The following KIAA1217 variants were observed in gnomAD, a reference collection of about 807,000 sequenced individuals.
KIAA1217 encodes sickle tail protein homolog.
A neutral mutation model predicts 163.9 loss-of-function variants in KIAA1217; 88 were observed. The observed-to-expected ratio is 0.54, with a 90% confidence interval of 0.45 to 0.64. KIAA1217 has a LOEUF of 0.64. Among genes scored for constraint, KIAA1217 ranks in the 30% least tolerant of loss-of-function variants. KIAA1217 has a pLI of 0.00. For synonymous variants in KIAA1217, 903 were observed against 923.1 expected (o/e 0.98, Z 0.39); for missense variants, 2,372 against 2,475.0 (o/e 0.96, Z 0.88).
chr10:23,876,801 A>G (rs1840718879), intron 1 of KIAA1217, among the ~76,000 whole-genome samples: 1 of 151,922 alleles, frequency 6.6e-6, no homozygotes, highest in Admixed American at 6.6e-5. Context: ...ATAAATGGTT[A>G]GATTTAAAGC....
intron 1 of KIAA1217, among the ~76,000 whole-genome samples, chr10:23,878,726 G>A (rs74729273): frequency 0.03 from 4,546 of 152,054 alleles, 86 homozygotes; most frequent in Middle Eastern, 0.12. Flanking sequence ...AGGAGCAGGA[G>A]GTGCATCTGT....
chr10:24,136,513 AAG>A (rs112082307), intron 2 of KIAA1217, among the ~76,000 whole-genome samples: 91 of 149,964 alleles, frequency 6.1e-4, no homozygotes, highest in Non-Finnish European at 7.3e-4. Context: ...GCTACTTTAA[AAG>A]AGAGAGAGAG....
chr10:23,966,846 A>C (rs150785511), intron 1 of KIAA1217, among the ~76,000 whole-genome samples: 51 of 152,318 alleles, frequency 3.3e-4, no homozygotes, highest in African/African-American at 1.2e-3. Context: ...GATTCAAATG[A>C]ATATTATTCA....
intron 3 of KIAA1217, among the ~76,000 whole-genome samples, chr10:24,383,781 G>T (rs535656922): frequency 7.2e-5 from 11 of 152,340 alleles, no homozygotes; most frequent in African/African-American, 2.4e-4. Flanking sequence ...GGTTGATGTT[G>T]CCCTTGACCG....
chr10:23,968,356 C>T (rs1286694136), intron 1 of KIAA1217, among the ~76,000 whole-genome samples: 1 of 152,168 alleles, frequency 6.6e-6, no homozygotes, highest in African/African-American at 2.4e-5. Context: ...AGGGAAGGCT[C>T]TGCAAGAGTT....
chr10:23,760,071 G>A (rs376641889), intron 1 of KIAA1217, among the ~76,000 whole-genome samples: 34 of 152,236 alleles, frequency 2.2e-4, no homozygotes, highest in East Asian at 2.1e-3. Flanking sequence ...CTCCCTTCTT[G>A]GGTTTAGGGA....
rs939456261 is a variant in KIAA1217 at position 24,379,212 on chromosome 10, G to A, written c.355-1657G>A. On this transcript the variant is annotated intron_variant, in intron 2 of 20. Coordinates refer to ENST00000376454, the MANE Select transcript of KIAA1217 (RefSeq NM_019590.5). ...AGGAAGCTACTTCACTGAGGACCACGTGAATTTGTCTAAATCTTGGTGAAC... is the reference window on the plus strand; with the variant it reads ...AGGAAGCTACTTCACTGAGGACCACATGAATTTGTCTAAATCTTGGTGAAC... Among the ~76,000 whole-genome samples, 4 of 152,172 alleles carry A rather than the reference G, an allele frequency of 2.6e-5. No homozygotes were observed. The East Asian group carries it at 7.7e-4, about 29-fold the overall frequency.
chr10:23,979,065 C>T (rs1165739889), intron 1 of KIAA1217, among the ~76,000 whole-genome samples: 1 of 152,162 alleles, frequency 6.6e-6, no homozygotes, highest in Non-Finnish European at 1.5e-5. Flanking sequence ...AGGAATACTG[C>T]AACTGAGACT....
At chr10:23,841,231 C>A (rs192345844) in intron 1 of KIAA1217, among the ~76,000 whole-genome samples, 28 of 152,146 alleles carry the variant, frequency 1.8e-4, no homozygotes, top group African/African-American at 6.5e-4. Flanking sequence ...TGTGTGTAAA[C>A]CTGAATGGTA....
intron 1 of KIAA1217, among the ~76,000 whole-genome samples, chr10:23,987,760 A>G (rs1846046756): frequency 6.6e-6 from 1 of 152,124 alleles, no homozygotes; most frequent in African/African-American, 2.4e-5. Context: ...ATCTAGCTGC[A>G]AGTCTGTATC....
At chr10:24,448,088 C>T (rs1041225380) in intron 5 of KIAA1217, among the ~76,000 whole-genome samples, 2 of 152,052 alleles carry the variant, frequency 1.3e-5, no homozygotes, top group Non-Finnish European at 2.9e-5. Flanking sequence ...CAAGATCACA[C>T]CACTGTACTC....
intron 1 of KIAA1217, among the ~76,000 whole-genome samples, chr10:23,854,004 T>G (rs906766780): frequency 6.6e-6 from 1 of 152,308 alleles, no homozygotes; most frequent in South Asian, 2.1e-4. Context: ...TTTTTGTGTC[T>G]CTATTTCCTT....
chr10:24,164,209 C>T (rs576317352), intron 2 of KIAA1217, among the ~76,000 whole-genome samples: 4 of 152,254 alleles, frequency 2.6e-5, no homozygotes, highest in East Asian at 3.9e-4. Context: ...AGTTGCTTAT[C>T]GTTTAATTAC....
At chr10:23,987,696 A>T (rs978521807) in intron 1 of KIAA1217, among the ~76,000 whole-genome samples, 1 of 152,048 alleles carries the variant, frequency 6.6e-6, no homozygotes, top group African/African-American at 2.4e-5. Context: ...AATTCAATAT[A>T]TTTTTATAAC....
At chr10:23,997,221 G>T (rs1846527690) in intron 1 of KIAA1217, among the ~76,000 whole-genome samples, 1 of 152,282 alleles carries the variant, frequency 6.6e-6, no homozygotes, top group South Asian at 2.1e-4. Context: ...AAAGAACTTA[G>T]TATTATTTTC....
intron 1 of KIAA1217, among the ~76,000 whole-genome samples, chr10:23,899,198 T>C (rs531191234): frequency 2.0e-5 from 3 of 152,236 alleles, no homozygotes; most frequent in African/African-American, 2.4e-5. Flanking sequence ...AGCATAAACC[T>C]AGAAAACTGC....
At chr10:24,072,643 A>G (rs767600679) in intron 2 of KIAA1217, among the ~76,000 whole-genome samples, 1 of 152,172 alleles carries the variant, frequency 6.6e-6, no homozygotes, top group Non-Finnish European at 1.5e-5. Context: ...TCAAATGATA[A>G]GGGCCATTCT....
rs150013625 is a variant in KIAA1217 at position 23,736,237 on chromosome 10, G to A, written c.-321+41003G>A. On this transcript the variant is annotated intron_variant, in intron 1 of 18. Coordinates refer to the KIAA1217 transcript ENST00000376462. The stretch of plus-strand genomic sequence containing the variant: ...TGTATGTTTAAATTTTTTAGGTTTT[G>A]ACCTTTTGCTCAAATCTTTGATCCT... Among the ~76,000 whole-genome samples the A allele has an allele frequency of 1.0e-3, 159 of 152,300 alleles. 1 individual carries two copies. The highest frequency in any genetic ancestry group is 3.4e-3 in the Middle Eastern group (1 of 294).
chr10:24,325,505 G>A (rs1453263794), intron 2 of KIAA1217, among the ~76,000 whole-genome samples: 1 of 152,184 alleles, frequency 6.6e-6, no homozygotes, highest in Non-Finnish European at 1.5e-5. Flanking sequence ...AGAGTATAGA[G>A]CTAGCAAGCA....
Sources: gnomAD v4.1 joint callset for allele counts (sites outside exome capture counted in the v4.1 genomes callset) on GRCh38, gnomAD v4.1.1 for gene constraint, MANE v1.5 for transcripts, NCBI Gene and HGNC (gene_info 2026-07-23, HGNC 2026-07-21) for gene names.